Variants in BSCL2 observed in about 807,000 individuals in gnomAD.
The protein encoded by BSCL2 is seipin.
Under a neutral mutation model 57.4 loss-of-function variants are expected in BSCL2, and 41 were observed. The observed-to-expected ratio is 0.71, with a 90% CI of 0.56 to 0.93. The LOEUF (loss-of-function observed/expected upper bound fraction) is 0.93, where lower values mean the gene tolerates loss of function less well. BSCL2 is among the 40% of genes least tolerant of loss of function. The pLI is 0.00. For missense variants in BSCL2, 539 were observed against 586.7 expected, an observed-to-expected ratio of 0.92 and a Z score of 0.84; for synonymous variants, 237 against 227.3, an observed-to-expected ratio of 1.04 and a Z score of -0.38.
In BSCL2 at chr11:62,690,606, C is replaced by T. The variant is rs762726296; in HGVS notation, c.1234+6G>A. ...CACCCAGGTCACGCTGCAGGATGCC[C>T]CTCACCATCACTGGCCTCAGGCTCT... is the stretch of plus-strand genomic sequence containing the variant. On this transcript the variant is annotated splice_donor_region_variant and intron_variant, in intron 10 of 10. Coordinates refer to ENST00000360796, the MANE Select transcript of BSCL2 (RefSeq NM_001122955.4). 16 of 1,613,880 alleles carry T rather than the reference C, an allele frequency of 9.9e-6. No homozygotes were observed. The highest frequency in any genetic ancestry group is 1.1e-5 in the Non-Finnish European group (13 of 1,180,004).
upstream of BSCL2, chr11:62,708,524 T>C (rs1191896277): frequency 8.0e-7 from 1 of 1,248,066 alleles, no homozygotes; most frequent in Non-Finnish European, 1.2e-6. Flanking sequence ...TGGGGCTCTG[T>C]AGAGAGAGCT....
chr11:62,704,608 C>T lies in BSCL2; in HGVS notation c.404+693G>A, dbSNP rs1195577310. The stretch of plus-strand genomic sequence containing the variant: ...CTCTACTAAAAATACAAAAATTAGC[C>T]AGATGTGGTGGCACACACCTGTAAT... On this transcript the variant is annotated intron_variant, in intron 2 of 10. Coordinates refer to ENST00000360796, the MANE Select transcript of BSCL2 (RefSeq NM_001122955.4). 2.7e-5 allele frequency among the ~76,000 whole-genome samples: 4 copies of T among 150,814 alleles called. No homozygotes were observed. The East Asian group carries it at 7.8e-4, about 29-fold the overall frequency.
At chr11:62,691,536 C>T (rs1945310750) in intron 6 of BSCL2, 115 bp from the exon 7 acceptor site, 1 of 1,244,192 alleles carries the variant, frequency 8.0e-7, no homozygotes, top group African/African-American at 1.5e-5. Context: ...ACAGCTGGCT[C>T]TGTCACCCCT....
intron 3 of BSCL2, among the ~76,000 whole-genome samples, chr11:62,697,909 CT>C (rs1193565203): frequency 0.023 from 3,217 of 141,016 alleles, 62 homozygotes; most frequent in African/African-American, 0.071. Flanking sequence ...AATCCACATC[CT>C]TTTTTTTTTT....
chr11:62,704,712 C>G (rs563261027), intron 2 of BSCL2, among the ~76,000 whole-genome samples: 1 of 152,328 alleles, frequency 6.6e-6, no homozygotes, highest in East Asian at 1.9e-4. Context: ...CACCACTGCA[C>G]TCCAGCCTGG....
Position 62,707,404 on chromosome 11 carries a change from G to A in BSCL2, c.-209C>T, listed in dbSNP as rs2083560362. The A allele has an allele frequency of 7.1e-6, 5 of 702,494 alleles. No homozygotes were observed. In the Admixed American group the frequency reaches 1.0e-4, roughly 14 times the overall value. 43.5% of individuals were successfully genotyped at this position (702,494 alleles called of 1,614,324 possible). A position where few individuals can be genotyped will look rare whatever the true frequency, so the allele number is the denominator to read the frequency against. ...AAAGGAGGAGGGGGGCGACTGCCCA[G>A]CTGATGTCAGATTTTCAAATGAGCA... On this transcript the variant is annotated 5_prime_UTR_variant, in exon 1 of 11. Coordinates refer to ENST00000360796, the MANE Select transcript of BSCL2 (RefSeq NM_001122955.4).
At position 62,690,601 on chromosome 11, in the gene BSCL2, A is replaced by T. The variant is rs369813738; in HGVS notation, c.1234+11T>A. On this transcript the variant is annotated intron_variant, in intron 10 of 10. Coordinates refer to ENST00000360796, the MANE Select transcript of BSCL2 (RefSeq NM_001122955.4). ...GGCCCCACCCAGGTCACGCTGCAGGATGCCCCTCACCATCACTGGCCTCAG... is the reference window on the plus strand; with the variant it reads ...GGCCCCACCCAGGTCACGCTGCAGGTTGCCCCTCACCATCACTGGCCTCAG... The T allele has an allele frequency of 1.5e-5, 25 of 1,613,900 alleles. No homozygotes were observed. The African/African-American group carries it at 2.8e-4, about 18-fold the overall frequency.
intron 3 of BSCL2, among the ~76,000 whole-genome samples, chr11:62,697,909 CTTT>C (rs1193565203): frequency 7.1e-5 from 10 of 141,088 alleles, no homozygotes; most frequent in Non-Finnish European, 9.3e-5. Context: ...AATCCACATC[CTTT>C]TTTTTTTTTT....
At chr11:62,694,033 C>T (rs1439112410) in intron 4 of BSCL2, among the ~76,000 whole-genome samples, 4 of 151,366 alleles carry the variant, frequency 2.6e-5, no homozygotes, top group Non-Finnish European at 5.9e-5. Flanking sequence ...AGGCTGGTCT[C>T]GAACTCTGGA....
intron 2 of BSCL2, 40 bp from the exon 3 acceptor site, chr11:62,702,589 T>C: frequency 6.4e-7 from 1 of 1,561,136 alleles, no homozygotes; most frequent in Non-Finnish European, 8.8e-7. Context: ...TAAGTTAGTC[T>C]TACTAGTCCA....
At chr11:62,692,042 AC>A (rs1945325506) in intron 6 of BSCL2, among the ~76,000 whole-genome samples, 1 of 116,514 alleles carries the variant, frequency 8.6e-6, no homozygotes, top group South Asian at 3.3e-4. Flanking sequence ...ACAGAGCAAG[AC>A]CCCCTCTTAA....
At chr11:62,693,119 G>T (rs1009183670) in intron 4 of BSCL2, among the ~76,000 whole-genome samples, 1 of 152,080 alleles carries the variant, frequency 6.6e-6, no homozygotes, top group Non-Finnish European at 1.5e-5. Flanking sequence ...AAGTCCCAGC[G>T]CACCATCTGA....
chr11:62,702,269 T>C (rs1247734582), intron 3 of BSCL2, among the ~76,000 whole-genome samples, 199 bp downstream of exon 3: 1 of 152,102 alleles, frequency 6.6e-6, no homozygotes, highest in African/African-American at 2.4e-5. Context: ...TTTCTCCGCG[T>C]TGGTCAGGCT....
chr11:62,698,465 T>C (rs1361896698), intron 3 of BSCL2, among the ~76,000 whole-genome samples: 6 of 152,240 alleles, frequency 3.9e-5, no homozygotes, highest in African/African-American at 1.4e-4. Context: ...CCCAAAGTGC[T>C]GGGATTACAG....
chr11:62,690,977 G>GAT, intron 8 of BSCL2, 98 bp downstream of exon 8: 1 of 1,579,324 alleles, frequency 6.3e-7, no homozygotes. Context: ...CTCAGTCGGT[G>GAT]ATACCCTAAG....
At chr11:62,708,610 T>A, upstream of BSCL2, 1 of 1,594,184 alleles carries the variant, frequency 6.3e-7, no homozygotes, top group Non-Finnish European at 8.6e-7. Context: ...GAGAACCCAT[T>A]TGGGGAGGGA....
rs35459265 is a variant in BSCL2, at chr11:62,692,817, G to C, written c.631-20C>G. ...CATCACCTGCCGGGGGTGGGAAGCA[G>C]AGGCTGGGGACAGGTGCATGCCAGA... On this transcript the variant is annotated intron_variant, in intron 4 of 10. Transcript: ENST00000360796. The C allele has an allele frequency of 6.2e-7, 1 of 1,612,272 alleles. No individual in the cohort carries two copies. Among genetic ancestry groups the C allele is most frequent in the Non-Finnish European group, 8.5e-7 (1 of 1,179,960 alleles).
chr11:62,708,752 G>A, upstream of BSCL2: 1 of 1,614,112 alleles, frequency 6.2e-7, no homozygotes, highest in Non-Finnish European at 8.5e-7. Context: ...TCACCCCTGT[G>A]CCCACTTCGG....
At chr11:62,696,273 A>AC (rs1945455766) in intron 3 of BSCL2, among the ~76,000 whole-genome samples, 1 of 58,972 alleles carries the variant, frequency 1.7e-5, no homozygotes, top group Non-Finnish European at 4.3e-5. Context: ...TGCTTCATAA[A>AC]CTTTTTGTGT....
Sources: gnomAD v4.1 joint callset for allele counts (sites outside exome capture counted in the v4.1 genomes callset) on GRCh38, gnomAD v4.1.1 for gene constraint, MANE v1.5 for transcripts, NCBI Gene and HGNC (gene_info 2026-07-23, HGNC 2026-07-21) for gene names.